The following ANO4 variants were observed in gnomAD, a reference collection of about 807,000 sequenced individuals.
ANO4 encodes anoctamin 4.
A neutral mutation model predicts 141.9 loss-of-function variants in ANO4; 69 were observed. The observed-to-expected ratio is 0.49, with a 90% CI of 0.40 to 0.59. The LOEUF (loss-of-function observed/expected upper bound fraction) is 0.59. ANO4 is among the 20% of genes least tolerant of loss of function. The pLI is 0.00. For synonymous variants in ANO4, 350 were observed against 394.3 expected (o/e 0.89, Z 1.33); for missense variants, 894 against 1,162.2 (o/e 0.77, Z 3.36).
intron 9 of ANO4, among the ~76,000 whole-genome samples, chr12:101,021,304 G>T (rs988833544): frequency 1.3e-5 from 2 of 152,210 alleles, no homozygotes; most frequent in African/African-American, 4.8e-5. Flanking sequence ...GGAGTACCAT[G>T]TGTTTCCAGC....
intron 8 of ANO4, among the ~76,000 whole-genome samples, chr12:101,006,039 G>A (rs2045857974): frequency 6.6e-6 from 1 of 151,958 alleles, no homozygotes; most frequent in African/African-American, 2.4e-5. Context: ...CTTACCAATA[G>A]GTTTTCAACC....
chr12:101,005,625 A>T (rs917727670), intron 8 of ANO4, among the ~76,000 whole-genome samples: 3 of 152,238 alleles, frequency 2.0e-5, no homozygotes, highest in Admixed American at 6.5e-5. Flanking sequence ...ATAATAAAAA[A>T]TAGCCATATA....
At chr12:100,858,923 A>G (rs1256260963) in intron 1 of ANO4, 3 of 152,126 alleles carry the variant, frequency 2.0e-5, no homozygotes, top group African/African-American at 7.2e-5. Context: ...GGGAAGTGCC[A>G]CGTACTAGGT....
At chr12:101,006,594 G>C (rs2045881968) in intron 8 of ANO4, among the ~76,000 whole-genome samples, 1 of 152,212 alleles carries the variant, frequency 6.6e-6, no homozygotes, top group African/African-American at 2.4e-5. Flanking sequence ...CCAGTAAACT[G>C]TACTGTCCCA....
chr12:100,956,479 A>G (rs926287439), intron 5 of ANO4, among the ~76,000 whole-genome samples: 4 of 152,346 alleles, frequency 2.6e-5, no homozygotes, highest in Non-Finnish European at 5.9e-5. Context: ...AAAGAAAAGT[A>G]CATGTGGTGA....
At chr12:101,075,250 G>A (rs117371581) in intron 14 of ANO4, among the ~76,000 whole-genome samples, 2,344 of 152,340 alleles carry the variant, frequency 0.015, 31 homozygotes, top group Middle Eastern at 0.048. Flanking sequence ...GAAAGTGTTA[G>A]TGAGTTAGCC....
At chr12:101,016,600 G>C (rs1435251639) in intron 8 of ANO4, among the ~76,000 whole-genome samples, 3 of 152,154 alleles carry the variant, frequency 2.0e-5, no homozygotes, top group African/African-American at 7.2e-5. Context: ...CAGCTCATTT[G>C]ATCCAACTTT....
At chr12:100,896,814 G>A (rs934185590) in intron 1 of ANO4, among the ~76,000 whole-genome samples, 2 of 152,206 alleles carry the variant, frequency 1.3e-5, no homozygotes, top group African/African-American at 4.8e-5. Context: ...GGGTAAAAAT[G>A]AAGATTGAGG....
At chr12:100,870,750 A>G (rs1005786189) in intron 1 of ANO4, among the ~76,000 whole-genome samples, 4 of 152,194 alleles carry the variant, frequency 2.6e-5, no homozygotes, top group Non-Finnish European at 4.4e-5. Flanking sequence ...AGGCTTCTAT[A>G]TGCAGGAGCT....
At chr12:100,913,311 G>A (rs2041196434) in intron 2 of ANO4, among the ~76,000 whole-genome samples, 2 of 152,216 alleles carry the variant, frequency 1.3e-5, no homozygotes, top group Non-Finnish European at 1.5e-5. Context: ...AGAGCATTGC[G>A]TTTTGTGGAA....
chr12:100,960,175 G>A (rs551342493), intron 5 of ANO4, among the ~76,000 whole-genome samples: 14 of 152,204 alleles, frequency 9.2e-5, no homozygotes, highest in African/African-American at 3.1e-4. Context: ...GAGGAGAACC[G>A]ATGCCAGGGA....
intron 5 of ANO4, among the ~76,000 whole-genome samples, chr12:100,953,278 T>C (rs1447653139): frequency 1.3e-5 from 2 of 152,228 alleles, no homozygotes; most frequent in East Asian, 3.8e-4. Flanking sequence ...AATTATTCAT[T>C]AATGGCATGG....
At chr12:100,754,539 T>G (rs993222647) in intron 3 of ANO4, among the ~76,000 whole-genome samples, 1 of 151,788 alleles carries the variant, frequency 6.6e-6, no homozygotes, top group Admixed American at 6.6e-5. Flanking sequence ...AGAATTACCA[T>G]ATGACCCAAC....
intron 1 of ANO4, among the ~76,000 whole-genome samples, chr12:100,835,771 G>T (rs1298221601): frequency 1.3e-5 from 2 of 151,966 alleles, no homozygotes; most frequent in African/African-American, 2.4e-5. Context: ...TATCAGTGAG[G>T]CTGATAATTT....
At chr12:101,088,647 G>A (rs2049608592) in intron 17 of ANO4, among the ~76,000 whole-genome samples, 1 of 151,808 alleles carries the variant, frequency 6.6e-6, no homozygotes, top group Admixed American at 6.6e-5. Context: ...TGACATGGTC[G>A]GCTGCTGAGG....
intron 27 of ANO4, 41 bp downstream of exon 27, chr12:101,127,115 G>C: frequency 6.4e-7 from 1 of 1,559,528 alleles, no homozygotes; most frequent in Non-Finnish European, 8.7e-7. Flanking sequence ...CCATTCCGAG[G>C]TTGAATGGGT....
At chr12:100,937,065 G>C (rs1406245086) in intron 3 of ANO4, among the ~76,000 whole-genome samples, 1 of 152,066 alleles carries the variant, frequency 6.6e-6, no homozygotes, top group African/African-American at 2.4e-5. Context: ...TGAAACCATG[G>C]AATCCTGGCT....
chr12:101,061,218 T>C (rs2048331402), intron 14 of ANO4, among the ~76,000 whole-genome samples: 1 of 152,292 alleles, frequency 6.6e-6, no homozygotes, highest in African/African-American at 2.4e-5. Context: ...CCCACTCTCT[T>C]CTGGCTTGTA....
At chr12:100,929,270 A>G (rs1324917270) in intron 3 of ANO4, among the ~76,000 whole-genome samples, 1 of 151,992 alleles carries the variant, frequency 6.6e-6, no homozygotes, top group Non-Finnish European at 1.5e-5. Context: ...CTTCCGCTCT[A>G]CTACTCTTCC....
Sources: gnomAD v4.1 joint callset for allele counts (sites outside exome capture counted in the v4.1 genomes callset) on GRCh38, gnomAD v4.1.1 for gene constraint, MANE v1.5 for transcripts, NCBI Gene and HGNC (gene_info 2026-07-23, HGNC 2026-07-21) for gene names.